Variants in RDH14 observed in about 807,000 individuals in gnomAD.
RDH14 encodes alcohol dehydrogenase PAN2.
A neutral mutation model predicts 19.3 loss-of-function variants in RDH14; 17 were observed. That is an observed-to-expected ratio of 0.88 (90% CI 0.60 to 1.32). RDH14 has a LOEUF of 1.32. Among genes scored for constraint, RDH14 ranks in the 40% most tolerant of loss-of-function variants. The probability of loss-of-function intolerance (pLI) is 0.00; values close to 1 mark genes in which losing one functional copy is unlikely to be tolerated. For missense variants in RDH14, 534 were observed against 449.2 expected, an observed-to-expected ratio of 1.19 and a Z score of -1.71; for synonymous variants, 215 against 188.9, an observed-to-expected ratio of 1.14 and a Z score of -1.13.
intron 1 of RDH14, among the ~76,000 whole-genome samples, chr2:18,559,591 GTC>G (rs972793525): frequency 6.6e-6 from 1 of 152,156 alleles, no homozygotes; most frequent in African/African-American, 2.4e-5. Flanking sequence ...TTTTATTCCT[GTC>G]TCTGTATGGA....
rs1286769528 is a variant in RDH14 at position 18,560,526 on chromosome 2, G to C, written c.47C>G (p.Ala16Gly). 1 of 1,508,930 alleles carries C rather than the reference G, an allele frequency of 6.6e-7. No individual in the cohort carries two copies. Among genetic ancestry groups the C allele is most frequent in the Non-Finnish European group, 8.8e-7 (1 of 1,136,894 alleles). 93.5% of individuals were successfully genotyped at this position (1,508,930 alleles called of 1,614,324 possible). ...GAACCGGCGGGCCGCCAGCCACAGC[G>C]CCCCGCCCAGAGCGGCCAGTACTGC... ...AAAVLAALGG[A>G]LWLAARRFVG... Residue 16 changes from alanine (A) to glycine (G), a missense_variant, in exon 1 of 2, where the codon GCG (alanine) becomes GGG (glycine). Coordinates refer to ENST00000381249, the MANE Select transcript of RDH14 (RefSeq NM_020905.4).
At position 18,555,443 on chromosome 2, in the gene RDH14, A is replaced by G. The variant is rs1663883381; in HGVS notation, c.759T>C (p.Asn253=). The change falls in exon 2 of 2, where the codon AAT becomes AAC. Residue 253 remains asparagine, a synonymous_variant. Coordinates refer to ENST00000381249, the MANE Select transcript of RDH14 (RefSeq NM_020905.4). ...GTGGAATGTGTATGTGCCTCCCCAG[A>G]TTTGTCCGTACAATACCAGGATGCA... ...NVLHPGIVRT[N]LGRHIHIPLL... is the part of the protein sequence containing the mutation. 1 of 1,614,012 alleles carries G rather than the reference A, an allele frequency of 6.2e-7. No individual in the cohort carries two copies. The highest frequency in any genetic ancestry group is 1.1e-5 in the South Asian group (1 of 91,080).
At chr2:18,556,748 G>A (rs1379704864) in intron 1 of RDH14, among the ~76,000 whole-genome samples, 1 of 152,212 alleles carries the variant, frequency 6.6e-6, no homozygotes, top group Non-Finnish European at 1.5e-5. Context: ...AAGCTAGACA[G>A]ACCATATGCT....
At position 18,560,264 on chromosome 2, in the gene RDH14, G is replaced by A. The variant is rs1309932804; in HGVS notation, c.309C>T (p.Val103=). The change falls in exon 1 of 2, where the codon GTC becomes GTT. Residue 103 remains valine (V), a synonymous_variant. Coordinates refer to ENST00000381249, the MANE Select transcript of RDH14 (RefSeq NM_020905.4). The stretch of plus-strand genomic sequence containing the variant: ...GGACTATGAGCTCGCCCACCCCGCT[G>A]ACGCCAGGCTCTGGGCCGCACTCCG... ...QAAECGPEPG[V]SGVGELIVRE... The A allele has an allele frequency of 1.2e-5, 19 of 1,520,160 alleles. No individual in the cohort carries two copies. Among genetic ancestry groups the A allele is most frequent in the African/African-American group, 2.8e-5 (2 of 70,640 alleles). 94.2% of individuals were successfully genotyped at this position (1,520,160 alleles called of 1,614,324 possible).
Position 18,555,111 on chromosome 2 carries a change from C to A in RDH14, c.*80G>T. ...ATCAAAATTCTTTTTCTTCAAGTAA[C>A]AAGTTCTCAATCCACACCATTCCTG... On this transcript the variant is annotated 3_prime_UTR_variant, in exon 2 of 2. Coordinates refer to ENST00000381249, the MANE Select transcript of RDH14 (RefSeq NM_020905.4). The A allele has an allele frequency of 6.6e-7, 1 of 1,526,550 alleles. No individual in the cohort carries two copies. The highest frequency in any genetic ancestry group is 1.3e-5 in the South Asian group (1 of 75,378). 94.6% of individuals were successfully genotyped at this position (1,526,550 alleles called of 1,614,324 possible). A position where few individuals can be genotyped will look rare whatever the true frequency, so the allele number is the denominator to read the frequency against.
intron 1 of RDH14, among the ~76,000 whole-genome samples, chr2:18,558,112 G>C (rs781697810): frequency 6.6e-6 from 1 of 152,104 alleles, no homozygotes; most frequent in Non-Finnish European, 1.5e-5. Context: ...TTATTTCTTT[G>C]TGGAGCTGAC....
At chr2:18,557,923 T>C (rs1663966875) in intron 1 of RDH14, among the ~76,000 whole-genome samples, 1 of 152,214 alleles carries the variant, frequency 6.6e-6, no homozygotes, top group Non-Finnish European at 1.5e-5. Context: ...ACCAACTCTC[T>C]AGTTCTGCAA....
Position 18,560,336 on chromosome 2 carries a change from G to C in RDH14, c.237C>G (p.Arg79=). Reference sequence around the variant, plus strand: ...GGAGCTGACCCGCCGCCTCCTCGGCGCGCGCGCGGTCCCGGCAGCCCATGA... The same window carrying C: ...GGAGCTGACCCGCCGCCTCCTCGGCCCGCGCGCGGTCCCGGCAGCCCATGA... ...RVIMGCRDRA[R]AEEAAGQLRR... is the part of the protein sequence containing the mutation. Residue 79 remains arginine (R), a synonymous_variant, in exon 1 of 2, where the codon CGC becomes CGG. Coordinates refer to ENST00000381249, the MANE Select transcript of RDH14 (RefSeq NM_020905.4). 6 of 1,409,666 alleles carry C rather than the reference G, an allele frequency of 4.3e-6. No individual in the cohort carries two copies. Among genetic ancestry groups the C allele is most frequent in the Non-Finnish European group, 5.5e-6 (6 of 1,094,662 alleles). The allele number at this position is 1,409,666 out of a possible 1,614,324, so 87.3% of individuals were successfully genotyped here.
At chr2:18,557,167 G>C (rs1227633513) in intron 1 of RDH14, among the ~76,000 whole-genome samples, 1 of 151,986 alleles carries the variant, frequency 6.6e-6, no homozygotes, top group Non-Finnish European at 1.5e-5. Flanking sequence ...AATCATGTAA[G>C]ATGGTCTTCT....
At chr2:18,557,301 C>CT (rs879713069) in intron 1 of RDH14, among the ~76,000 whole-genome samples, 8 of 152,186 alleles carry the variant, frequency 5.3e-5, no homozygotes, top group Admixed American at 5.2e-4. Context: ...ACTGGCCCTT[C>CT]TGCCAACTAT....
chr2:18,560,123 C>T (rs535475495), intron 1 of RDH14, 57 bp downstream of exon 1: 14 of 1,489,836 alleles, frequency 9.4e-6, no homozygotes, highest in Non-Finnish European at 1.2e-5. Context: ...AGCCCGCAGT[C>T]CCCTCCCACA....
intron 1 of RDH14, among the ~76,000 whole-genome samples, chr2:18,557,494 G>C (rs1158082645): frequency 6.6e-6 from 1 of 152,066 alleles, no homozygotes; most frequent in Non-Finnish European, 1.5e-5. Context: ...CAAATCCTTT[G>C]GAAGATTTTC....
At position 18,555,636 on chromosome 2, in the gene RDH14, A is replaced by C. The variant is rs534810559; in HGVS notation, c.566T>G (p.Val189Gly). The C allele has an allele frequency of 6.2e-7, 1 of 1,614,124 alleles. No homozygotes were observed. The highest frequency in any genetic ancestry group is 1.1e-5 in the South Asian group (1 of 91,084). The change falls in exon 2 of 2, where the codon GTA becomes GGA. Residue 189 changes from valine (V) to glycine (G), a missense_variant. Physicochemically the swap from Val to Gly is moderately radical, Grantham distance 109. Transcript: ENST00000381249. ...GTATTTATAAAGTTTGGAAGAAACT[A>C]CCACAATCCTGCTGGGAGCTGAACT... The part of the protein sequence containing the change: ...LKSSAPSRIV[V>G]VSSKLYKYGD...
At position 18,560,553 on chromosome 2, in the gene RDH14, G is replaced by T; in HGVS notation, c.20C>A (p.Ala7Glu). The part of the protein sequence containing the change: MAVATA[A>E]AVLAALGGAL... Reference sequence around the variant, plus strand: ...CCCGCCCAGAGCGGCCAGTACTGCCGCCGCAGTGGCCACTGCCATCGTCAG... The same window carrying T: ...CCCGCCCAGAGCGGCCAGTACTGCCTCCGCAGTGGCCACTGCCATCGTCAG... Residue 7 changes from alanine to glutamate, a missense_variant, in exon 1 of 2, where the codon GCG becomes GAG. Physicochemically the swap from Ala to Glu is moderately radical, Grantham distance 107. Transcript: ENST00000381249. 1 of 1,493,728 alleles carries T rather than the reference G, an allele frequency of 6.7e-7. No individual in the cohort carries two copies. Among genetic ancestry groups the T allele is most frequent in the East Asian group, 2.8e-5 (1 of 36,168 alleles). The allele number at this position is 1,493,728 out of a possible 1,614,324, so 92.5% of individuals were successfully genotyped here.
rs1333011448 is a variant in RDH14 at position 18,560,418 on chromosome 2, T to C, written c.155A>G (p.Asn52Ser). Residue 52 changes from asparagine to serine, a missense_variant, in exon 1 of 2, where the codon AAC becomes AGC. By Grantham distance (46) the Asn-to-Ser change is conservative. Transcript: ENST00000381249. ...HGKTVLITGA[N>S]SGLGRATAAE... ...GGCCGTGGCGCGGCCCAGGCCGCTG[T>C]TCGCCCCGGTGATCAGCACAGTCTT... 2 of 1,501,622 alleles carry C rather than the reference T, an allele frequency of 1.3e-6. No individual in the cohort carries two copies. The highest frequency in any genetic ancestry group is 1.8e-6 in the Non-Finnish European group (2 of 1,134,364). 93.0% of individuals were successfully genotyped at this position (1,501,622 alleles called of 1,614,324 possible). A position where few individuals can be genotyped will look rare whatever the true frequency, so the allele number is the denominator to read the frequency against.
Position 18,560,340 on chromosome 2 carries a change from G to C in RDH14, c.233C>G (p.Ala78Gly). 3 of 1,409,908 alleles carry C rather than the reference G, an allele frequency of 2.1e-6. No homozygotes were observed. Among genetic ancestry groups the C allele is most frequent in the East Asian group, 3.0e-5 (1 of 33,230 alleles). The allele number at this position is 1,409,908 out of a possible 1,614,324, so 87.3% of individuals were successfully genotyped here. Reference sequence around the variant, plus strand: ...CTGACCCGCCGCCTCCTCGGCGCGCGCGCGGTCCCGGCAGCCCATGATCAC... The same window carrying C: ...CTGACCCGCCGCCTCCTCGGCGCGCCCGCGGTCCCGGCAGCCCATGATCAC... ...ARVIMGCRDR[A>G]RAEEAAGQLR... Residue 78 changes from alanine to glycine, a missense_variant, in exon 1 of 2, where the codon GCG becomes GGG. Ala to Gly is a moderately conservative substitution (Grantham distance 60, BLOSUM62 0). Transcript: ENST00000381249.
At position 18,555,794 on chromosome 2, in the gene RDH14, C is replaced by T; in HGVS notation, c.408G>A (p.Leu136=). Residue 136 remains leucine (L), a synonymous_variant, in exon 2 of 2, where the codon CTG becomes CTA. Transcript: ENST00000381249. The stretch of plus-strand genomic sequence containing the variant: ...TCCCTGCGTTATTGATCAAGACATC[C>T]AGCCTAGGCTCTTCCTTTAAATGTC... The part of the protein sequence containing the change: ...CQEMLQEEPR[L]DVLINNAGIF... The T allele has an allele frequency of 6.2e-7, 1 of 1,606,450 alleles. No homozygotes were observed. Among genetic ancestry groups the T allele is most frequent in the East Asian group, 2.2e-5 (1 of 44,692 alleles).
In RDH14 at chr2:18,560,305, C is replaced by T. The variant is rs1387957663; in HGVS notation, c.268G>A (p.Glu90Lys). 2.0e-6 allele frequency: 3 copies of T among 1,465,630 alleles called. No individual in the cohort carries two copies. In the Admixed American group the frequency reaches 7.6e-5, roughly 37 times the overall value. The allele number at this position is 1,465,630 out of a possible 1,614,324, so 90.8% of individuals were successfully genotyped here. A position where few individuals can be genotyped will look rare whatever the true frequency, so the allele number is the denominator to read the frequency against. ...AEEAAGQLRR[E>K]LRQAAECGPE... is the part of the protein sequence containing the mutation. ...CCGCACTCCGCGGCCTGGCGGAGCT[C>T]GCGGCGGAGCTGACCCGCCGCCTCC... The change falls in exon 1 of 2, where the codon GAG (glutamate) becomes AAG (lysine). Residue 90 changes from glutamate to lysine, a missense_variant. Glu to Lys is a moderately conservative substitution (Grantham distance 56). Coordinates refer to ENST00000381249, the MANE Select transcript of RDH14 (RefSeq NM_020905.4).
chr2:18,555,265 G>A lies in RDH14; in HGVS notation c.937C>T (p.Pro313Ser), dbSNP rs1434872963. 7.4e-6 allele frequency: 12 copies of A among 1,614,018 alleles called. No homozygotes were observed. The highest frequency in any genetic ancestry group is 1.0e-5 in the Non-Finnish European group (12 of 1,179,968). The change falls in exon 2 of 2, where the codon CCC (proline) becomes TCC (serine). Residue 313 changes from proline (P) to serine (S), a missense_variant. Physicochemically the swap from Pro to Ser is moderately conservative, Grantham distance 74. Transcript: ENST00000381249. ...FGDCKEEELL[P>S]KAMDESVARK... is the part of the protein sequence containing the mutation. ...GCAACAGATTCATCCATAGCTTTGG[G>A]CAACAGTTCTTCCTCTTTACAATCC...
Sources: allele counts gnomAD v4.1 joint callset (sites outside exome capture counted in the v4.1 genomes callset), GRCh38; gene constraint gnomAD v4.1.1; transcripts MANE v1.5; gene names NCBI Gene and HGNC (gene_info 2026-07-23, HGNC 2026-07-21).